Variants in BCAR3 observed in about 807,000 individuals in gnomAD.
BCAR3 encodes the protein breast cancer anti-estrogen resistance protein 3.
In BCAR3, 37 loss-of-function variants were observed where a neutral mutation model predicts 80.1. That is an observed-to-expected ratio of 0.46 (90% CI 0.36 to 0.61). The LOEUF is 0.61. BCAR3 is among the 20% of genes least tolerant of loss of function. The pLI, the probability that BCAR3 is intolerant of heterozygous loss-of-function variation, is 0.00. For missense variants in BCAR3, 978 were observed against 1,068.2 expected, an observed-to-expected ratio of 0.92 and a Z score of 1.18; for synonymous variants, 389 against 418.9, an observed-to-expected ratio of 0.93 and a Z score of 0.87.
Position 93,731,181 on chromosome 1 carries a change from C to T in BCAR3, c.-62-25039G>A, listed in dbSNP as rs556928666. ...GAAACAGGCCAGAGGAGGCCAAGGA[C>T]GACTCTGTGCAGTGTGGTATCCTGG... is the stretch of plus-strand genomic sequence containing the variant. On this transcript the variant is annotated intron_variant, in intron 2 of 13. Transcript: ENST00000370244. Among the ~76,000 whole-genome samples the T allele has an allele frequency of 2.6e-5, 4 of 152,268 alleles. No individual in the cohort carries two copies. In the East Asian group the frequency reaches 5.8e-4, roughly 22 times the overall value.
chr1:93,582,177 G>A, intron 7 of BCAR3, 124 bp downstream of exon 7: 2 of 1,236,674 alleles, frequency 1.6e-6, no homozygotes, highest in Non-Finnish European at 2.2e-6. Context: ...TTTAATGGGT[G>A]AGGCAGAGTG....
intron 3 of BCAR3, among the ~76,000 whole-genome samples, chr1:93,695,150 C>T (rs1395578362): frequency 6.6e-6 from 1 of 152,240 alleles, no homozygotes; most frequent in Non-Finnish European, 1.5e-5. Flanking sequence ...CTTCTTCCTT[C>T]CCTGCCCACC....
rs927611645 is a variant in BCAR3 at position 93,732,624 on chromosome 1, G to GA, written c.-62-26483dup. ...AGAGCAAGACCTTGTCTCAAAAAAA[G>GA]AAAAAAAAACGAAAAGAAAAAGAAA... On this transcript the variant is annotated intron_variant, in intron 2 of 13. Transcript: ENST00000370244. 3.0e-3 allele frequency among the ~76,000 whole-genome samples: 444 copies of GA among 145,976 alleles called. 2 individuals are homozygous for GA. Among genetic ancestry groups the GA allele is most frequent in the African/African-American group, 8.6e-3 (343 of 39,834 alleles).
At chr1:93,684,311 C>A (rs2101959021), upstream of BCAR3, among the ~76,000 whole-genome samples, 1 of 152,252 alleles carries the variant, frequency 6.6e-6, no homozygotes, top group Middle Eastern at 3.4e-3. Flanking sequence ...ACTGCATAAC[C>A]TACAAAGTTT....
chr1:93,662,070 G>A (rs1354063714), intron 2 of BCAR3, among the ~76,000 whole-genome samples: 4 of 152,238 alleles, frequency 2.6e-5, no homozygotes, highest in African/African-American at 9.6e-5. Context: ...CAATAGAAGT[G>A]CTTCAAAGCA....
chr1:93,732,402 G>A (rs773893505), intron 2 of BCAR3, among the ~76,000 whole-genome samples: 1 of 152,162 alleles, frequency 6.6e-6, no homozygotes, highest in Non-Finnish European at 1.5e-5. Context: ...ATCACGTGAA[G>A]CCAGGAATTT....
At chr1:93,812,838 T>A (rs1327212535) in intron 2 of BCAR3, among the ~76,000 whole-genome samples, 3 of 152,144 alleles carry the variant, frequency 2.0e-5, no homozygotes. Context: ...TACCCCCCTA[T>A]CCCAGGCCTA....
chr1:93,697,002 G>A (rs1034438017), intron 3 of BCAR3, among the ~76,000 whole-genome samples: 5 of 152,102 alleles, frequency 3.3e-5, no homozygotes, highest in African/African-American at 7.2e-5. Flanking sequence ...TGGCGTCTCC[G>A]TGCACCCACA....
chr1:93,717,676 C>G (rs1039994271), intron 2 of BCAR3, among the ~76,000 whole-genome samples: 1 of 146,040 alleles, frequency 6.8e-6, no homozygotes, highest in African/African-American at 2.6e-5. Context: ...TGCAGTGAGC[C>G]GAGATCGTGC....
intron 2 of BCAR3, among the ~76,000 whole-genome samples, chr1:93,653,915 C>T (rs990428836): frequency 3.9e-5 from 6 of 152,148 alleles, no homozygotes; most frequent in East Asian, 1.9e-4. Flanking sequence ...GCCACCTGAG[C>T]GCAGGCCACC....
At chr1:93,783,244 C>T (rs1652824902) in intron 2 of BCAR3, among the ~76,000 whole-genome samples, 1 of 152,154 alleles carries the variant, frequency 6.6e-6, no homozygotes, top group Admixed American at 6.5e-5. Context: ...CATGTTGGAC[C>T]AGCTAATCGT....
chr1:93,816,709 T>C (rs1654034222), intron 2 of BCAR3, among the ~76,000 whole-genome samples: 1 of 149,388 alleles, frequency 6.7e-6, no homozygotes, highest in African/African-American at 2.5e-5. Context: ...ATTAAAACTC[T>C]GTTTAAACAA....
At chr1:93,702,725 G>A (rs1649689601) in intron 3 of BCAR3, among the ~76,000 whole-genome samples, 1 of 152,234 alleles carries the variant, frequency 6.6e-6, no homozygotes, top group South Asian at 2.1e-4. Flanking sequence ...GCATGGAACA[G>A]GCCAGGTCCC....
intron 2 of BCAR3, among the ~76,000 whole-genome samples, chr1:93,798,259 C>T (rs1463535263): frequency 6.6e-6 from 1 of 152,192 alleles, no homozygotes; most frequent in African/African-American, 2.4e-5. Flanking sequence ...GTCATATTTG[C>T]TTTTTCCGCT....
At chr1:93,631,815 C>A (rs922189712) in intron 3 of BCAR3, among the ~76,000 whole-genome samples, 2 of 152,164 alleles carry the variant, frequency 1.3e-5, no homozygotes, top group Non-Finnish European at 1.5e-5. Flanking sequence ...CCTTTCAGCA[C>A]CTCCAGAGGG....
chr1:93,837,959 A>G (rs1654826282), intron 2 of BCAR3, among the ~76,000 whole-genome samples: 1 of 152,232 alleles, frequency 6.6e-6, no homozygotes. Context: ...TCAAGGCTCT[A>G]GCATGGACTC....
At position 93,796,579 on chromosome 1, in the gene BCAR3, C is replaced by G. The variant is rs940408094; in HGVS notation, c.-63+48988G>C. Among the ~76,000 whole-genome samples the G allele has an allele frequency of 7.8e-4, 119 of 151,750 alleles. 1 individual carries two copies. The highest frequency in any genetic ancestry group is 2.2e-3 in the Admixed American group (34 of 15,242). On this transcript the variant is annotated intron_variant, in intron 2 of 13. Transcript: ENST00000370244. ...CTGGCACTCCCTAGTGAGATGAACCCGGTACCTCAGATGGAAATGCAGAAA... is the reference window on the plus strand; with the variant it reads ...CTGGCACTCCCTAGTGAGATGAACCGGGTACCTCAGATGGAAATGCAGAAA...
rs1325573554 is a variant in BCAR3 at position 93,582,694 on chromosome 1, T to C, written c.1293A>G (p.Glu431=). 6.2e-7 allele frequency: 1 copy of C among 1,614,012 alleles called. No individual in the cohort carries two copies. The highest frequency in any genetic ancestry group is 2.2e-5 in the East Asian group (1 of 44,850). Residue 431 remains glutamate, a synonymous_variant, in exon 7 of 12, where the codon GAA becomes GAG. Transcript: ENST00000260502. Reference sequence around the variant, plus strand: ...AGCCTGTGGCAAACGCTGGGTTCAGTTCACAGTAGTTGGCCTCTGAGTTGA... The same window carrying C: ...AGCCTGTGGCAAACGCTGGGTTCAGCTCACAGTAGTTGGCCTCTGAGTTGA... The part of the protein sequence containing the change: ...AWLNSEANYC[E]LNPAFATGCG...
At chr1:93,564,494 T>C (rs971508117) in intron 11 of BCAR3, among the ~76,000 whole-genome samples, 2 of 151,954 alleles carry the variant, frequency 1.3e-5, no homozygotes, top group Non-Finnish European at 2.9e-5. Flanking sequence ...GTCAGGCTGG[T>C]CTTGAACTCC....
Sources: gnomAD v4.1 joint callset for allele counts (sites outside exome capture counted in the v4.1 genomes callset) on GRCh38, gnomAD v4.1.1 for gene constraint, MANE v1.5 for transcripts, NCBI Gene and HGNC (gene_info 2026-07-23, HGNC 2026-07-21) for gene names.